The following IL18BP variants were observed in gnomAD, a reference collection of about 807,000 sequenced individuals.
The protein encoded by IL18BP is interleukin 18 binding protein.
IL18BP carries 23 observed loss-of-function variants against 19.9 expected under a neutral mutation model. That is an observed-to-expected ratio of 1.15 (90% confidence interval 0.83 to 1.64). IL18BP has a LOEUF of 1.64. IL18BP is among the 40% of genes most tolerant of loss of function. IL18BP has a pLI of 0.00. For synonymous variants in IL18BP, 107 were observed against 101.0 expected (o/e 1.06, Z -0.35); for missense variants, 239 against 240.7 (o/e 0.99, Z 0.05).
chr11:72,003,832 G>A, downstream of IL18BP: 1 of 1,574,610 alleles, frequency 6.4e-7, no homozygotes, highest in Non-Finnish European at 8.7e-7. Context: ...GGGCGGTCTG[G>A]GGGGTGCCCA....
chr11:72,000,651 C>T, intron 3 of IL18BP, 94 bp downstream of exon 3: 1 of 1,067,688 alleles, frequency 9.4e-7, no homozygotes, highest in Non-Finnish European at 1.4e-6. Flanking sequence ...GCCCATGTAC[C>T]ACCAGCTGAG....
chr11:72,000,593 A>T, intron 3 of IL18BP, 36 bp downstream of exon 3: 1 of 1,577,116 alleles, frequency 6.3e-7, no homozygotes, highest in Non-Finnish European at 8.6e-7. Flanking sequence ...GGCTATGGGC[A>T]CAGAGGTTCC....
rs1053448101 is a variant in IL18BP at position 71,998,933 on chromosome 11, G to T, written c.-145G>T. On this transcript the variant is annotated 5_prime_UTR_variant, in exon 1 of 6. Coordinates refer to ENST00000393703, the MANE Select transcript of IL18BP (RefSeq NM_001039660.2). ...TGTATTTCCTGTGGTGGGTTCACAC[G>T]CAGCTAGACACAGCTAACTTGAGTC... The T allele has an allele frequency of 5.3e-6, 1 of 189,562 alleles. No homozygotes were observed. Among genetic ancestry groups the T allele is most frequent in the Non-Finnish European group, 1.1e-5 (1 of 88,160 alleles). 11.7% of individuals were successfully genotyped at this position (189,562 alleles called of 1,614,324 possible).
chr11:72,001,359 G>A (rs2735786), intron 4 of IL18BP, 35 bp downstream of exon 4: 9 of 1,614,108 alleles, frequency 5.6e-6, no homozygotes, highest in Non-Finnish European at 7.6e-6. Context: ...GTGGGAAGGA[G>A]GCCTTCTGCG....
chr11:72,005,416 G>GC, downstream of IL18BP: 1 of 1,584,446 alleles, frequency 6.3e-7, no homozygotes, highest in Non-Finnish European at 8.6e-7. Context: ...GAGTCGGCAG[G>GC]TCACCTCCTG....
chr11:72,008,142 AT>A (rs768767627), downstream of IL18BP: 2 of 479,050 alleles, frequency 4.2e-6, no homozygotes, highest in East Asian at 1.0e-4. Context: ...TGAGTGCTTT[AT>A]GTCTAGCACA....
Position 72,000,304 on chromosome 11 carries a change from C to G in IL18BP, c.29-47C>G, listed in dbSNP as rs1262746511. 2.6e-6 allele frequency: 4 copies of G among 1,537,088 alleles called. No homozygotes were observed. The African/African-American group carries it at 5.5e-5, about 21-fold the overall frequency. On this transcript the variant is annotated intron_variant, in intron 2 of 5. Transcript: ENST00000393703. ...TGGAGTTACATCCTTACCCGGGCAG[C>G]CCACTCTGTCTCCAGAGCCGCTGAC...
chr11:72,003,861 C>T (rs1175499883), downstream of IL18BP: 2 of 1,610,972 alleles, frequency 1.2e-6, no homozygotes, highest in Non-Finnish European at 1.7e-6. Context: ...TCGGGTTTCC[C>T]TCCCCCATCC....
chr11:72,005,835 T>A (rs1955647708), downstream of IL18BP: 1 of 589,814 alleles, frequency 1.7e-6, no homozygotes, highest in African/African-American at 1.9e-5. Context: ...TAACTCTGGC[T>A]AAGAGTGCCC....
downstream of IL18BP, chr11:72,004,079 C>A (rs1955484989): frequency 1.2e-6 from 2 of 1,612,974 alleles, no homozygotes. Flanking sequence ...TGCTGAAGGC[C>A]ATCGACTGGC....
chr11:72,005,935 G>T, downstream of IL18BP: 2 of 1,014,660 alleles, frequency 2.0e-6, no homozygotes, highest in Non-Finnish European at 2.9e-6. Context: ...TAGCAAGGAG[G>T]CCAGCCTTGG....
chr11:72,005,996 C>T, downstream of IL18BP: 1 of 1,486,842 alleles, frequency 6.7e-7, no homozygotes, highest in South Asian at 1.2e-5. Flanking sequence ...ACCTTCCAGT[C>T]TAATTTTGGG....
At chr11:72,004,400 G>A (rs1400035679), downstream of IL18BP, 4 of 1,481,698 alleles carry the variant, frequency 2.7e-6, no homozygotes, top group Admixed American at 3.6e-5. Flanking sequence ...CTGAAGCCAG[G>A]TGTCTTGTCC....
chr11:71,999,831 C>T (rs1047340233), intron 1 of IL18BP, 96 bp from the exon 2 acceptor site: 1 of 674,726 alleles, frequency 1.5e-6, no homozygotes, highest in African/African-American at 1.8e-5. Context: ...GAGCTCCAGG[C>T]TATGCTACGG....
At chr11:72,007,311 G>A (rs529393250), downstream of IL18BP, 155 of 1,613,258 alleles carry the variant, frequency 9.6e-5, no homozygotes, top group Middle Eastern at 1.6e-4. Context: ...GCCTGACTCC[G>A]AGCAGGGATG....
At chr11:72,007,203 T>C, downstream of IL18BP, 5 of 1,609,768 alleles carry the variant, frequency 3.1e-6, no homozygotes, top group Non-Finnish European at 4.2e-6. Flanking sequence ...GTCATGGTGA[T>C]GTTGATGATC....
downstream of IL18BP, chr11:72,007,171 C>T (rs1955780495): frequency 6.2e-7 from 1 of 1,604,068 alleles, no homozygotes; most frequent in Non-Finnish European, 8.5e-7. Flanking sequence ...CCTGCAGCCC[C>T]TGTCCCAGCA....
intron 1 of IL18BP, 58 bp from the exon 2 acceptor site, chr11:71,999,869 C>T: frequency 2.0e-6 from 2 of 1,025,188 alleles, no homozygotes; most frequent in Non-Finnish European, 2.9e-6. Flanking sequence ...TGAGGAAAAG[C>T]CAGCTACTGA....
Position 72,001,484 on chromosome 11 carries a change from A to AT in IL18BP, c.439_440insT (p.Asn147IlefsTer10), listed in dbSNP as rs924178662. The AT allele has an allele frequency of 6.2e-7, 1 of 1,613,982 alleles. No homozygotes were observed. The highest frequency in any genetic ancestry group is 1.3e-5 in the African/African-American group (1 of 74,922). On this transcript the variant is annotated frameshift_variant, in exon 5 of 6. Coordinates refer to ENST00000393703, the MANE Select transcript of IL18BP (RefSeq NM_001039660.2). LOFTEE classifies it high-confidence loss of function. Reference sequence around the variant, plus strand: ...GCTGACCCCTGCCCTGCACAGCACCAACTTCTCCTGTGTGCTCGTGGACCC... The same window carrying AT: ...GCTGACCCCTGCCCTGCACAGCACCATACTTCTCCTGTGTGCTCGTGGACCC...
Sources: allele counts gnomAD v4.1 joint callset, GRCh38; gene constraint gnomAD v4.1.1; transcripts MANE v1.5; gene names NCBI Gene and HGNC (gene_info 2026-07-23, HGNC 2026-07-21).